Variants in GRID2 observed in about 807,000 individuals in gnomAD.
GRID2 encodes glutamate ionotropic receptor delta type subunit 2.
In GRID2, 33 loss-of-function variants were observed where a neutral mutation model predicts 114.8. The observed-to-expected ratio is 0.29, with a 90% CI of 0.22 to 0.38. The LOEUF is 0.38. Among genes scored for constraint, GRID2 ranks in the 10% least tolerant of loss-of-function variants. The probability of loss-of-function intolerance (pLI) is 1.00; values close to 1 mark genes in which losing one functional copy is unlikely to be tolerated. For missense variants in GRID2, 1,184 were observed against 1,257.7 expected (o/e 0.94, Z 0.89); for synonymous variants, 505 against 449.9 (o/e 1.12, Z -1.55).
intron 3 of GRID2, among the ~76,000 whole-genome samples, chr4:93,099,246 A>G (rs1731495888): frequency 6.6e-6 from 1 of 152,026 alleles, no homozygotes; most frequent in South Asian, 2.1e-4. Flanking sequence ...TATAAGAAAA[A>G]TTAAGGAAAC....
chr4:93,407,723 TCTCCTCCTCCTCCTCCTC>T, intron 9 of GRID2, among the ~76,000 whole-genome samples: 1 of 64,228 alleles, frequency 1.6e-5, no homozygotes, highest in South Asian at 6.4e-4. Context: ...TCCTCCTCCT[TCTCCTCCTCCTCCTCCTC>T]CTCCTCCTCC....
At chr4:92,446,541 C>T (rs778828440) in intron 1 of GRID2, among the ~76,000 whole-genome samples, 9 of 152,312 alleles carry the variant, frequency 5.9e-5, no homozygotes, top group Non-Finnish European at 8.8e-5. Context: ...CTTTAGAGGA[C>T]CTATTGTAAA....
intron 2 of GRID2, among the ~76,000 whole-genome samples, chr4:92,639,082 C>T (rs1731220349): frequency 6.6e-6 from 1 of 151,300 alleles, no homozygotes; most frequent in African/African-American, 2.4e-5. Context: ...TAATGAAACT[C>T]TTCCCTCATA....
chr4:93,504,528 A>G (rs964690989), intron 12 of GRID2, among the ~76,000 whole-genome samples: 11 of 152,064 alleles, frequency 7.2e-5, no homozygotes, highest in African/African-American at 2.7e-4. Context: ...CAAATAAAAC[A>G]AGGTGATTAG....
chr4:92,933,733 T>G (rs776510889), intron 2 of GRID2, among the ~76,000 whole-genome samples: 1 of 151,782 alleles, frequency 6.6e-6, no homozygotes, highest in South Asian at 2.1e-4. Flanking sequence ...GTCCACTGAA[T>G]ACTATGGCAA....
intron 2 of GRID2, among the ~76,000 whole-genome samples, chr4:92,595,587 G>T (rs1728912885): frequency 6.6e-6 from 1 of 151,954 alleles, no homozygotes; most frequent in African/African-American, 2.4e-5. Context: ...ATAAAATGAT[G>T]ATTTCAATTA....
At chr4:92,924,233 ACT>A in intron 2 of GRID2, among the ~76,000 whole-genome samples, 1 of 152,048 alleles carries the variant, frequency 6.6e-6, no homozygotes, top group South Asian at 2.1e-4. Context: ...GGAACATCAC[ACT>A]CTGGGGACTG....
intron 2 of GRID2, among the ~76,000 whole-genome samples, chr4:92,935,984 A>G (rs974164728): frequency 6.8e-6 from 1 of 146,390 alleles, no homozygotes; most frequent in African/African-American, 2.4e-5. Context: ...GTGTATACAT[A>G]TGTAACTAAC....
At chr4:93,313,825 G>A (rs1299771411) in intron 8 of GRID2, among the ~76,000 whole-genome samples, 1 of 152,096 alleles carries the variant, frequency 6.6e-6, no homozygotes, top group Non-Finnish European at 1.5e-5. Context: ...TTTTCATAAG[G>A]GGGTTGGTTT....
At position 93,709,665 on chromosome 4, in the gene GRID2, C is replaced by T. The variant is rs116154640; in HGVS notation, c.2361-59545C>T. The stretch of plus-strand genomic sequence containing the variant: ...CTGCGTTATTGTCCCTTTGAATAAA[C>T]TTTCTACCCTAGTCTTACTCCGTGT... On this transcript the variant is annotated intron_variant, in intron 14 of 15. Coordinates refer to ENST00000282020, the MANE Select transcript of GRID2 (RefSeq NM_001510.4). 9.4e-3 allele frequency among the ~76,000 whole-genome samples: 1,439 copies of T among 152,286 alleles called. 26 individuals are homozygous for T. Among genetic ancestry groups the T allele is most frequent in the African/African-American group, 0.032 (1,313 of 41,554 alleles).
At position 93,623,645 on chromosome 4, in the gene GRID2, C is replaced by T. The variant is rs1040055448; in HGVS notation, c.2194-2624C>T. 2.0e-5 allele frequency among the ~76,000 whole-genome samples: 3 copies of T among 152,258 alleles called. No individual in the cohort carries two copies. In the South Asian group the frequency reaches 6.2e-4, roughly 32 times the overall value. On this transcript the variant is annotated intron_variant, in intron 13 of 15. Transcript: ENST00000282020. ...TGTGGCACATATACACTATGGAATA[C>T]TATGCAGTCTAATACAGTCTTTATA...
intron 2 of GRID2, among the ~76,000 whole-genome samples, chr4:92,891,231 G>A (rs967832818): frequency 1.3e-5 from 2 of 151,952 alleles, no homozygotes; most frequent in African/African-American, 2.4e-5. Flanking sequence ...AAACTTGCAC[G>A]TTCTGCACAT....
intron 2 of GRID2, among the ~76,000 whole-genome samples, chr4:93,072,247 G>C (rs1417105301): frequency 1.3e-5 from 2 of 151,788 alleles, no homozygotes; most frequent in Non-Finnish European, 2.9e-5. Context: ...ATCCAAAGAG[G>C]GACAAGTACT....
chr4:92,984,504 A>T (rs1754390946), intron 2 of GRID2, among the ~76,000 whole-genome samples: 2 of 152,218 alleles, frequency 1.3e-5, no homozygotes. Flanking sequence ...TTGCTCCATC[A>T]TTTGCAGTAC....
intron 1 of GRID2, among the ~76,000 whole-genome samples, chr4:92,440,854 T>C (rs943970044): frequency 2.6e-5 from 4 of 152,034 alleles, no homozygotes; most frequent in Non-Finnish European, 5.9e-5. Context: ...GGCTGAAGTC[T>C]GGGCCAGGAA....
At chr4:92,945,897 G>T (rs1751589756) in intron 2 of GRID2, among the ~76,000 whole-genome samples, 1 of 152,012 alleles carries the variant, frequency 6.6e-6, no homozygotes, top group African/African-American at 2.4e-5. Flanking sequence ...CTTAACTTCA[G>T]TCCTCTTCAT....
intron 2 of GRID2, among the ~76,000 whole-genome samples, chr4:92,961,867 C>CT (rs1267040669): frequency 6.6e-6 from 1 of 151,416 alleles, no homozygotes; most frequent in Non-Finnish European, 1.5e-5. Context: ...TTTTTTTAAT[C>CT]TTTTTTTATT....
At chr4:92,424,749 G>A (rs1275997082) in intron 1 of GRID2, among the ~76,000 whole-genome samples, 1 of 147,958 alleles carries the variant, frequency 6.8e-6, no homozygotes, top group African/African-American at 2.5e-5. Flanking sequence ...AAAACCACAA[G>A]GACAAGCTTC....
intron 1 of GRID2, among the ~76,000 whole-genome samples, chr4:92,474,445 T>C (rs537986342): frequency 6.6e-6 from 1 of 152,234 alleles, no homozygotes; most frequent in East Asian, 1.9e-4. Flanking sequence ...TGATTCCACA[T>C]TTTAGGTATT....
Sources: gnomAD v4.1 joint callset for allele counts (sites outside exome capture counted in the v4.1 genomes callset) on GRCh38, gnomAD v4.1.1 for gene constraint, MANE v1.5 for transcripts, NCBI Gene and HGNC (gene_info 2026-07-23, HGNC 2026-07-21) for gene names.